The following DGKB variants were observed in gnomAD, a reference collection of about 807,000 sequenced individuals.
DGKB encodes diacylglycerol kinase beta.
A neutral mutation model predicts 114.3 loss-of-function variants in DGKB; 67 were observed. That is an observed-to-expected ratio of 0.59 (90% confidence interval 0.48 to 0.72). The LOEUF (loss-of-function observed/expected upper bound fraction) is 0.72. Among genes scored for constraint, DGKB ranks in the 30% least tolerant of loss-of-function variants. The pLI is 0.00. For missense variants in DGKB, 907 were observed against 975.2 expected, an observed-to-expected ratio of 0.93 and a Z score of 0.93; for synonymous variants, 398 against 323.1, an observed-to-expected ratio of 1.23 and a Z score of -2.49.
chr7:14,173,529 C>G (rs1028289891), intron 25 of DGKB, among the ~76,000 whole-genome samples: 1 of 152,160 alleles, frequency 6.6e-6, no homozygotes, highest in African/African-American at 2.4e-5. Flanking sequence ...AGAACTTCTG[C>G]TCTCCTCTAA....
intron 21 of DGKB, among the ~76,000 whole-genome samples, chr7:14,459,507 C>T (rs537884942): frequency 1.4e-4 from 21 of 152,012 alleles, no homozygotes; most frequent in African/African-American, 4.8e-4. Flanking sequence ...ATATCAGAGA[C>T]TGAAGATCAA....
intron 21 of DGKB, among the ~76,000 whole-genome samples, chr7:14,399,070 G>A (rs75009921): frequency 0.018 from 2,721 of 151,804 alleles, 35 homozygotes; most frequent in Non-Finnish European, 0.03. Context: ...GAGTTTCCTC[G>A]GCGACTTAGA....
intron 13 of DGKB, among the ~76,000 whole-genome samples, chr7:14,660,224 G>C (rs1263247917): frequency 6.6e-6 from 1 of 151,942 alleles, no homozygotes; most frequent in Non-Finnish European, 1.5e-5. Flanking sequence ...CCCGGCTTTG[G>C]TATCAGGATG....
At chr7:14,187,998 T>C (rs796149213) in intron 23 of DGKB, among the ~76,000 whole-genome samples, 28 of 151,804 alleles carry the variant, frequency 1.8e-4, no homozygotes, top group African/African-American at 6.8e-4. Flanking sequence ...CAAAGATGTA[T>C]ATAAAATAAA....
chr7:14,313,898 G>T (rs1190779419), intron 23 of DGKB, among the ~76,000 whole-genome samples: 3 of 152,218 alleles, frequency 2.0e-5, no homozygotes, highest in Non-Finnish European at 4.4e-5. Flanking sequence ...CAGCTTTGAA[G>T]AGAGCAGTGG....
intron 4 of DGKB, among the ~76,000 whole-genome samples, chr7:14,736,790 G>A (rs1831786203): frequency 6.6e-6 from 1 of 152,180 alleles, no homozygotes; most frequent in Non-Finnish European, 1.5e-5. Flanking sequence ...GATACTCATT[G>A]CAGAACTATA....
upstream of DGKB, among the ~76,000 whole-genome samples, chr7:14,906,644 G>A (rs1373175021): frequency 1.3e-5 from 2 of 151,692 alleles, no homozygotes; most frequent in Non-Finnish European, 1.5e-5. Flanking sequence ...GTGGAGACAG[G>A]GTTTCACCAT....
At chr7:14,483,627 A>C (rs555248707) in intron 20 of DGKB, among the ~76,000 whole-genome samples, 12 of 152,262 alleles carry the variant, frequency 7.9e-5, no homozygotes, top group East Asian at 5.8e-4. Flanking sequence ...TTGAAATGTT[A>C]CCTTTGATGG....
intron 1 of DGKB, among the ~76,000 whole-genome samples, chr7:14,845,106 C>CAAAAAAAAAAAAAAAAAAAA (rs59367496): frequency 7.1e-4 from 63 of 89,256 alleles, no homozygotes; most frequent in Non-Finnish European, 1.1e-3. Flanking sequence ...GGCCCTGTGT[C>CAAAAAAAAAAAAAAAAAAAA]AAAAAAAAAA....
intron 20 of DGKB, among the ~76,000 whole-genome samples, chr7:14,512,333 T>C (rs1044018408): frequency 6.6e-6 from 1 of 152,220 alleles, no homozygotes; most frequent in Non-Finnish European, 1.5e-5. Context: ...TGGGTTTCAT[T>C]TGATTACCAA....
intron 6 of DGKB, among the ~76,000 whole-genome samples, chr7:14,704,125 T>C (rs141804098): frequency 5.3e-5 from 8 of 151,946 alleles, no homozygotes; most frequent in African/African-American, 1.9e-4. Flanking sequence ...TTGAATTGAA[T>C]TGAATATAAC....
intron 2 of DGKB, among the ~76,000 whole-genome samples, chr7:14,793,214 T>C: frequency 6.6e-6 from 1 of 152,144 alleles, no homozygotes; most frequent in Non-Finnish European, 1.5e-5. Flanking sequence ...CTGACATTAT[T>C]CTCATAGAAG....
chr7:14,756,224 A>G (rs558361652), intron 3 of DGKB, among the ~76,000 whole-genome samples: 1 of 152,196 alleles, frequency 6.6e-6, no homozygotes, highest in Non-Finnish European at 1.5e-5. Flanking sequence ...TAAGTTTTCA[A>G]ATATTGTTGT....
At chr7:14,305,416 A>T (rs1415772077) in intron 23 of DGKB, among the ~76,000 whole-genome samples, 1 of 152,122 alleles carries the variant, frequency 6.6e-6, no homozygotes, top group Non-Finnish European at 1.5e-5. Flanking sequence ...CATTTTTGAT[A>T]ATATTAAATA....
At chr7:14,448,694 T>C (rs901434578) in intron 21 of DGKB, among the ~76,000 whole-genome samples, 1 of 152,124 alleles carries the variant, frequency 6.6e-6, no homozygotes, top group Admixed American at 6.6e-5. Flanking sequence ...CTTAGTTTTA[T>C]TATCCAGGTA....
chr7:14,566,329 G>A (rs1797377202), intron 20 of DGKB, among the ~76,000 whole-genome samples: 1 of 152,004 alleles, frequency 6.6e-6, no homozygotes, highest in Non-Finnish European at 1.5e-5. Context: ...ATAATAGATG[G>A]TTTATTATGG....
chr7:14,811,347 A>G (rs1006031741), intron 2 of DGKB, among the ~76,000 whole-genome samples: 47 of 152,280 alleles, frequency 3.1e-4, no homozygotes, highest in African/African-American at 1.1e-3. Context: ...AGCCGGGACT[A>G]CAGGAGAACT....
At chr7:14,455,164 C>T (rs1375777673) in intron 21 of DGKB, among the ~76,000 whole-genome samples, 3 of 151,972 alleles carry the variant, frequency 2.0e-5, no homozygotes, top group Non-Finnish European at 2.9e-5. Context: ...GGAAAACTTG[C>T]TTATACCATT....
intron 20 of DGKB, 55 bp downstream of exon 20, chr7:14,574,157 C>G (rs948965043): frequency 2.1e-5 from 28 of 1,349,820 alleles, no homozygotes; most frequent in Non-Finnish European, 2.7e-5. Context: ...TAAAAGTTTT[C>G]TCACTGTGAT....
Sources: gnomAD v4.1 joint callset for allele counts (sites outside exome capture counted in the v4.1 genomes callset) on GRCh38, gnomAD v4.1.1 for gene constraint, MANE v1.5 for transcripts, NCBI Gene and HGNC (gene_info 2026-07-23, HGNC 2026-07-21) for gene names.